The following PLG variants were observed in gnomAD, a reference collection of about 807,000 sequenced individuals.
PLG encodes the protein plasminogen.
In PLG, 41 loss-of-function variants were observed where a neutral mutation model predicts 104.4. The observed-to-expected ratio is 0.39, with a 90% CI of 0.31 to 0.51. PLG has a LOEUF of 0.51. Ranked by LOEUF, PLG falls within the 20% of genes least tolerant of loss-of-function variation. The pLI, the probability that PLG is intolerant of heterozygous loss-of-function variation, is 0.76. For missense variants in PLG, 891 were observed against 1,003.6 expected (o/e 0.89, Z 1.52); for synonymous variants, 337 against 357.1 (o/e 0.94, Z 0.63).
intron 1 of PLG, among the ~76,000 whole-genome samples, chr6:160,702,711 C>T (rs890681929): frequency 2.6e-5 from 4 of 152,202 alleles, no homozygotes; most frequent in Non-Finnish European, 4.4e-5. Context: ...ATCTCTGTTA[C>T]GGTGTCATGC....
chr6:160,706,226 C>T lies in PLG; in HGVS notation c.50-181C>T, dbSNP rs1423297022. 9.4e-5 allele frequency: 72 copies of T among 766,018 alleles called. 1 individual carries two copies. The highest frequency in any genetic ancestry group is 2.2e-5 in the Non-Finnish European group (10 of 464,364). 47.5% of individuals were successfully genotyped at this position (766,018 alleles called of 1,614,324 possible). A position where few individuals can be genotyped will look rare whatever the true frequency, so the allele number is the denominator to read the frequency against. ...TTTAGTTGCCATCTTTATTTATGTC[C>T]AAATGCCCGACTGTGTGTTCTTAAC... On this transcript the variant is annotated intron_variant, in intron 1 of 18. Transcript: ENST00000308192.
At chr6:160,743,212 T>G (rs1778224378) in intron 17 of PLG, among the ~76,000 whole-genome samples, 1 of 152,216 alleles carries the variant, frequency 6.6e-6, no homozygotes, top group South Asian at 2.1e-4. Context: ...CATTGGCAGT[T>G]TGATAGGAAT....
intron 12 of PLG, among the ~76,000 whole-genome samples, chr6:160,733,322 G>A (rs1778030408): frequency 6.6e-6 from 1 of 152,054 alleles, no homozygotes; most frequent in African/African-American, 2.4e-5. Context: ...AGCCCTCCAG[G>A]GACAATGCAC....
chr6:160,734,208 C>T lies in PLG; in HGVS notation c.1681+120C>T. 1.5e-6 allele frequency: 1 copy of T among 646,872 alleles called. No individual in the cohort carries two copies. The allele number at this position is 646,872 out of a possible 1,614,324, so 40.1% of individuals were successfully genotyped here. ...GGAGATAGCTGCCCTCTCCATCAGA[C>T]CCCACTCTTCATCATGGGCATCTTG... is the stretch of plus-strand genomic sequence containing the variant. On this transcript the variant is annotated intron_variant, in intron 13 of 18. Transcript: ENST00000308192. This position sits in a 1 kb window ranked among gnomAD's most constrained non-coding sequence, Gnocchi z 4.4.
intron 10 of PLG, 47 bp downstream of exon 10, chr6:160,722,614 T>C (rs374260556): frequency 1.6e-4 from 259 of 1,573,862 alleles, no homozygotes; most frequent in Non-Finnish European, 2.0e-4. Flanking sequence ...CCAACTGAAA[T>C]TTCTGTTAAA....
chr6:160,722,276 A>G, intron 9 of PLG, 132 bp from the exon 10 acceptor site: 3 of 644,570 alleles, frequency 4.7e-6, no homozygotes, highest in Non-Finnish European at 5.6e-6. Flanking sequence ...TTTTATGTTA[A>G]TCTGTCTGCT....
rs751673246 is a variant in PLG, at chr6:160,739,050, C to T, written c.1878-18C>T. Reference sequence around the variant, plus strand: ...GGGCTGGACCATATTTTCCTCTTGACGTCCTCATCTTTTCTAGGTCCCCAA... The same window carrying T: ...GGGCTGGACCATATTTTCCTCTTGATGTCCTCATCTTTTCTAGGTCCCCAA... On this transcript the variant is annotated intron_variant, in intron 15 of 18. Coordinates refer to ENST00000308192, the MANE Select transcript of PLG (RefSeq NM_000301.5). The surrounding 1 kb of genome is among the most constrained non-coding windows in gnomAD (Gnocchi z 4.4). The T allele has an allele frequency of 3.8e-5, 61 of 1,613,868 alleles. No homozygotes were observed. In the Middle Eastern group the frequency reaches 8.3e-4, roughly 22 times the overall value.
chr6:160,716,969 A>G (rs1409109984), intron 7 of PLG, among the ~76,000 whole-genome samples: 1 of 152,156 alleles, frequency 6.6e-6, no homozygotes, highest in Non-Finnish European at 1.5e-5. Flanking sequence ...TCCATTTATC[A>G]TGTTTTTCTT....
chr6:160,725,610 A>C lies in PLG; in HGVS notation c.1256+3043A>C, dbSNP rs1182428161. ...CTTAAACTGAACTGAAAATATATTT[A>C]ATATACTCCTAAGCATATTAAATAT... On this transcript the variant is annotated intron_variant, in intron 10 of 18. Coordinates refer to ENST00000308192, the MANE Select transcript of PLG (RefSeq NM_000301.5). The surrounding 1 kb of genome is among the most constrained non-coding windows in gnomAD (Gnocchi z 6.3). 6.6e-6 allele frequency among the ~76,000 whole-genome samples: 1 copy of C among 152,186 alleles called. No individual in the cohort carries two copies. Among genetic ancestry groups the C allele is most frequent in the East Asian group, 1.9e-4 (1 of 5,204 alleles).
intron 10 of PLG, among the ~76,000 whole-genome samples, chr6:160,728,109 A>G (rs1664241603): frequency 6.6e-6 from 1 of 152,032 alleles, no homozygotes. Flanking sequence ...ACACATAAGT[A>G]TATACATGAT....
At chr6:160,751,969 G>A (rs1778409424) in intron 17 of PLG, 146 bp from the exon 18 acceptor site, 1 of 729,212 alleles carries the variant, frequency 1.4e-6, no homozygotes, top group Non-Finnish European at 2.5e-6. Context: ...ACACTCTGCA[G>A]GGTCAGAGAC....
Position 160,754,097 on chromosome 6 carries a change from A to G in PLG, c.*1036A>G, listed in dbSNP as rs112199993. Among the ~76,000 whole-genome samples, 229 of 152,342 alleles carry G rather than the reference A, an allele frequency of 1.5e-3. 2 individuals are homozygous for G. The highest frequency in any genetic ancestry group is 5.2e-3 in the African/African-American group (216 of 41,580). On this transcript the variant is annotated 3_prime_UTR_variant, in exon 19 of 19. Coordinates refer to ENST00000308192, the MANE Select transcript of PLG (RefSeq NM_000301.5). The surrounding 1 kb of genome is among the most constrained non-coding windows in gnomAD (Gnocchi z 4.9). ...TTGACAAATAGATTATTTGTATTCA[A>G]TTCTGATGTGCTTTAAGGATGAAGT...
At chr6:160,713,410 C>G in intron 5 of PLG, 1 of 379,242 alleles carries the variant, frequency 2.6e-6, no homozygotes, top group Non-Finnish European at 5.1e-6. Flanking sequence ...GCTGGGATTA[C>G]AGGCATGTGC....
At position 160,731,633 on chromosome 6, in the gene PLG, G is replaced by A. The variant is rs1778000877; in HGVS notation, c.1439-112G>A. 4 of 1,015,584 alleles carry A rather than the reference G, an allele frequency of 3.9e-6. No individual in the cohort carries two copies. Among genetic ancestry groups the A allele is most frequent in the South Asian group, 3.8e-5 (3 of 78,226 alleles). 62.9% of individuals were successfully genotyped at this position (1,015,584 alleles called of 1,614,324 possible). ...AGTCTTCAGCATTGCAGTTTCTGAG[G>A]AATGTGGCCCCTGATTCTGTCATCC... On this transcript the variant is annotated intron_variant, in intron 11 of 18. Coordinates refer to ENST00000308192, the MANE Select transcript of PLG (RefSeq NM_000301.5). This position sits in a 1 kb window ranked among gnomAD's most constrained non-coding sequence, Gnocchi z 5.1.
At chr6:160,733,844 CAGAAAAAAAAA>C (rs1778041870) in intron 12 of PLG, 140 bp from the exon 13 acceptor site, 9 of 373,274 alleles carry the variant, frequency 2.4e-5, no homozygotes, top group Admixed American at 1.3e-4. Flanking sequence ...AACTCCACCT[CAGAAAAAAAAA>C]AAAAAAAAAA....
At chr6:160,709,785 G>A (rs553144532) in intron 3 of PLG, among the ~76,000 whole-genome samples, 9 of 152,282 alleles carry the variant, frequency 5.9e-5, no homozygotes, top group South Asian at 4.1e-4. Context: ...ATCATAATAC[G>A]CAGTATTGGG....
At chr6:160,715,210 C>A (rs577253729) in intron 6 of PLG, among the ~76,000 whole-genome samples, 13 of 152,354 alleles carry the variant, frequency 8.5e-5, no homozygotes, top group African/African-American at 2.9e-4. Flanking sequence ...TGTGCACACA[C>A]ATTCAAACAC....
intron 5 of PLG, among the ~76,000 whole-genome samples, chr6:160,713,670 G>C (rs1777682997): frequency 6.6e-6 from 1 of 152,104 alleles, no homozygotes; most frequent in South Asian, 2.1e-4. Context: ...CTCTTACACA[G>C]TGTTAACCCC....
chr6:160,735,411 C>T lies in PLG; in HGVS notation c.1681+1323C>T, dbSNP rs1486078338. 6.6e-6 allele frequency among the ~76,000 whole-genome samples: 1 copy of T among 152,134 alleles called. No homozygotes were observed. Among genetic ancestry groups the T allele is most frequent in the African/African-American group, 2.4e-5 (1 of 41,420 alleles). On this transcript the variant is annotated intron_variant, in intron 13 of 18. Coordinates refer to ENST00000308192, the MANE Select transcript of PLG (RefSeq NM_000301.5). The surrounding 1 kb of genome is among the most constrained non-coding windows in gnomAD (Gnocchi z 5.4). Reference sequence around the variant, plus strand: ...GTTTCCCAGGTGCAATTCTGGTGTCCTCACCCACATTGAGGATGTACAAGA... The same window carrying T: ...GTTTCCCAGGTGCAATTCTGGTGTCTTCACCCACATTGAGGATGTACAAGA...
Sources: allele counts gnomAD v4.1 joint callset (sites outside exome capture counted in the v4.1 genomes callset), GRCh38; gene constraint gnomAD v4.1.1; non-coding constraint Gnocchi (gnomAD v3.1); transcripts MANE v1.5; gene names NCBI Gene and HGNC (gene_info 2026-07-23, HGNC 2026-07-21).